The following C5 variants were observed in gnomAD, a reference collection of about 807,000 sequenced individuals.
The protein encoded by C5 is complement C5.
In C5, 140 loss-of-function variants were observed where a neutral mutation model predicts 218.8. The ratio of observed to expected loss-of-function variants is 0.64; its 90% confidence interval spans 0.56 to 0.74. The LOEUF is 0.74. Among genes scored for constraint, C5 ranks in the 30% least tolerant of loss-of-function variants. The pLI, the probability that C5 is intolerant of heterozygous loss-of-function variation, is 0.00. For synonymous variants in C5, 614 were observed against 682.3 expected, an observed-to-expected ratio of 0.90 and a Z score of 1.56; for missense variants, 1,700 against 1,969.6, an observed-to-expected ratio of 0.86 and a Z score of 2.59.
chr9:120,999,382 T>C (rs575747136), intron 20 of C5, among the ~76,000 whole-genome samples: 1 of 152,276 alleles, frequency 6.6e-6, no homozygotes, highest in South Asian at 2.1e-4. Flanking sequence ...CATTGGTGCC[T>C]TGGAGTGGCT....
chr9:121,046,716 T>C (rs2047630831), intron 1 of C5, among the ~76,000 whole-genome samples: 1 of 152,162 alleles, frequency 6.6e-6, no homozygotes, highest in African/African-American at 2.4e-5. Context: ...TTTTGCTCAA[T>C]GAAGAAAAAA....
chr9:121,005,813 A>C, intron 20 of C5, 106 bp downstream of exon 20: 1 of 1,113,036 alleles, frequency 9.0e-7, no homozygotes, highest in Non-Finnish European at 1.4e-6. Flanking sequence ...TCTATTGCTG[A>C]ACTGAGTTGA....
chr9:120,956,547 G>GA (rs955962961), intron 39 of C5, among the ~76,000 whole-genome samples: 16 of 151,810 alleles, frequency 1.1e-4, no homozygotes, highest in African/African-American at 3.9e-4. Flanking sequence ...CATAAAATTA[G>GA]AAAAAAACAT....
chr9:121,000,838 C>T (rs761863479), intron 20 of C5, among the ~76,000 whole-genome samples: 2 of 152,114 alleles, frequency 1.3e-5, no homozygotes, highest in Non-Finnish European at 2.9e-5. Context: ...TCTCACCCTC[C>T]ACCCTCAAGC....
In C5 at chr9:120,961,498, C is replaced by A; in HGVS notation, c.4572G>T (p.Ala1524=). ...AAAGTTTACCTTCTACACACTTGCA[C>A]GCGGCTCCTTCACAGACTTTCTGAA... The part of the protein sequence containing the change: ...IKIQKVCEGA[A]CKCVEADCGQ... Residue 1524 remains alanine, a synonymous_variant, in exon 37 of 41, where the codon GCG becomes GCT. Transcript: ENST00000223642. 6.2e-7 allele frequency: 1 copy of A among 1,610,708 alleles called. No individual in the cohort carries two copies. Among genetic ancestry groups the A allele is most frequent in the Non-Finnish European group, 8.5e-7 (1 of 1,176,910 alleles).
At chr9:121,048,915 G>C (rs2047651055) in intron 1 of C5, among the ~76,000 whole-genome samples, 1 of 151,976 alleles carries the variant, frequency 6.6e-6, no homozygotes, top group South Asian at 2.1e-4. Flanking sequence ...TTAAAATAGT[G>C]CCCCATAATT....
the C5 span, among the ~76,000 whole-genome samples, chr9:121,062,018 G>A: frequency 1.3e-5 from 2 of 152,176 alleles, no homozygotes; most frequent in African/African-American, 2.4e-5. Flanking sequence ...AATACCATGA[G>A]TAAGAAAGGA....
the C5 span, among the ~76,000 whole-genome samples, chr9:121,068,155 T>C: frequency 6.6e-6 from 1 of 151,930 alleles, no homozygotes; most frequent in East Asian, 1.9e-4. Context: ...GAAAAAGAAA[T>C]AAAAGACATC....
intron 22 of C5, among the ~76,000 whole-genome samples, chr9:120,995,726 T>A (rs2047111036): frequency 6.6e-6 from 1 of 152,050 alleles, no homozygotes; most frequent in Non-Finnish European, 1.5e-5. Flanking sequence ...GCATTCAAAA[T>A]TAATGGAATT....
intron 17 of C5, among the ~76,000 whole-genome samples, chr9:121,009,430 C>T (rs2047243317): frequency 1.3e-5 from 2 of 152,162 alleles, no homozygotes; most frequent in Non-Finnish European, 2.9e-5. Flanking sequence ...ATTTTGAAGA[C>T]TTGTGGCAAC....
intron 12 of C5, among the ~76,000 whole-genome samples, 193 bp from the exon 13 acceptor site, chr9:121,018,045 G>C (rs1019946060): frequency 6.9e-4 from 104 of 151,350 alleles, no homozygotes; most frequent in African/African-American, 2.4e-3. Flanking sequence ...TTGAGGCCAG[G>C]AGTTCAAGAC....
the C5 span, among the ~76,000 whole-genome samples, chr9:121,070,419 A>ATG: frequency 7.4e-6 from 1 of 134,918 alleles, no homozygotes; most frequent in African/African-American, 2.9e-5. Flanking sequence ...ATATATATAT[A>ATG]TATATATGTA....
chr9:121,037,179 C>G (rs1269044771), intron 4 of C5, among the ~76,000 whole-genome samples: 4 of 151,690 alleles, frequency 2.6e-5, no homozygotes, highest in African/African-American at 9.7e-5. Context: ...AGAGTAAGTA[C>G]CATTAAATAT....
the C5 span, among the ~76,000 whole-genome samples, chr9:121,070,979 T>C: frequency 1.3e-5 from 2 of 152,142 alleles, no homozygotes; most frequent in Non-Finnish European, 2.9e-5. Context: ...TCACTATGTA[T>C]CCCATAAATA....
chr9:120,958,520 A>G (rs1194356001), intron 38 of C5, among the ~76,000 whole-genome samples: 2 of 151,704 alleles, frequency 1.3e-5, no homozygotes, highest in Non-Finnish European at 2.9e-5. Flanking sequence ...GTCTTCATGT[A>G]TTTAACAAAC....
rs533294490 is a variant in C5, at chr9:120,978,762, C to T, written c.3658+1321G>A. Among the ~76,000 whole-genome samples, 8 of 152,318 alleles carry T rather than the reference C, an allele frequency of 5.3e-5. No individual in the cohort carries two copies. In the East Asian group the frequency reaches 1.3e-3, roughly 26 times the overall value. On this transcript the variant is annotated intron_variant, in intron 28 of 40. Coordinates refer to ENST00000223642, the MANE Select transcript of C5 (RefSeq NM_001735.3). ...AGTATCTTTATTCTTCAAAACCAAA[C>T]ACATACTTTTATAGCAAACCTGGTA...
chr9:120,977,054 C>T (rs1485328560), intron 28 of C5, 149 bp from the exon 29 acceptor site: 21 of 698,018 alleles, frequency 3.0e-5, no homozygotes, highest in Non-Finnish European at 4.3e-5. Context: ...CAATGCAAAA[C>T]GAGATCCCTT....
At chr9:121,010,539 T>C (rs1472443973) in intron 17 of C5, among the ~76,000 whole-genome samples, 1 of 152,110 alleles carries the variant, frequency 6.6e-6, no homozygotes, top group Non-Finnish European at 1.5e-5. Context: ...GAAGAATCAA[T>C]ATTGTTAAAA....
chr9:120,999,040 C>T (rs181052880), intron 20 of C5, among the ~76,000 whole-genome samples: 1 of 151,972 alleles, frequency 6.6e-6, no homozygotes, highest in Non-Finnish European at 1.5e-5. Context: ...CTTAGAACAG[C>T]AGGGGAGGGT....
Sources: allele counts gnomAD v4.1 joint callset (sites outside exome capture counted in the v4.1 genomes callset), GRCh38; gene constraint gnomAD v4.1.1; transcripts MANE v1.5; gene names NCBI Gene and HGNC (gene_info 2026-07-23, HGNC 2026-07-21).